Variants in PCSK5 observed in about 807,000 individuals in gnomAD.
PCSK5 encodes prohormone convertase 5.
Under a neutral mutation model 233.2 loss-of-function variants are expected in PCSK5, and 129 were observed. The observed-to-expected ratio is 0.55, with a 90% confidence interval of 0.48 to 0.64. PCSK5 has a LOEUF of 0.64. PCSK5 is among the 30% of genes least tolerant of loss of function. PCSK5 has a pLI of 0.00. For synonymous variants in PCSK5, 825 were observed against 879.2 expected (o/e 0.94, Z 1.09); for missense variants, 2,076 against 2,430.1 (o/e 0.85, Z 3.06).
chr9:75,987,740 G>A (rs1419130023), intron 3 of PCSK5, among the ~76,000 whole-genome samples: 2 of 152,190 alleles, frequency 1.3e-5, no homozygotes. Context: ...TGAACCCCAA[G>A]GGAAGGCATT....
intron 2 of PCSK5, among the ~76,000 whole-genome samples, chr9:75,982,403 C>T (rs1400678941): frequency 8.5e-5 from 13 of 152,190 alleles, no homozygotes; most frequent in Admixed American, 7.9e-4. Flanking sequence ...GAGTTGTACA[C>T]GTTTCCATTC....
At position 75,986,741 on chromosome 9, in the gene PCSK5, C is replaced by T. The variant is rs74850666; in HGVS notation, c.411+496C>T. ...TTAGGTAATACTTTGTAAAAGTAGA[C>T]CAGGAAAGGAAATCATGGAAAGTGT... On this transcript the variant is annotated intron_variant, in intron 3 of 37. Coordinates refer to ENST00000674117, the MANE Select transcript of PCSK5 (RefSeq NM_001372043.1). Among the ~76,000 whole-genome samples, 56 of 152,112 alleles carry T rather than the reference C, an allele frequency of 3.7e-4. No homozygotes were observed. The East Asian group carries it at 9.7e-3, about 26-fold the overall frequency.
At chr9:76,143,421 A>C (rs1328613126) in intron 10 of PCSK5, among the ~76,000 whole-genome samples, 5 of 152,210 alleles carry the variant, frequency 3.3e-5, no homozygotes, top group African/African-American at 1.2e-4. Context: ...GCTAGATGAT[A>C]GTAATGACTT....
chr9:76,151,751 C>T (rs539463969), intron 10 of PCSK5, among the ~76,000 whole-genome samples: 1 of 152,306 alleles, frequency 6.6e-6, no homozygotes, highest in Non-Finnish European at 1.5e-5. Flanking sequence ...TTGTATTTGA[C>T]TGATTTCTTA....
intron 1 of PCSK5, among the ~76,000 whole-genome samples, chr9:75,928,608 T>TATATATAC: frequency 9.7e-6 from 1 of 103,176 alleles, no homozygotes; most frequent in South Asian, 2.8e-4. Flanking sequence ...TATATATATA[T>TATATATAC]ATATATATAT....
intron 9 of PCSK5, among the ~76,000 whole-genome samples, chr9:76,118,157 T>C (rs1415074248): frequency 1.3e-5 from 2 of 152,092 alleles, no homozygotes; most frequent in African/African-American, 4.8e-5. Flanking sequence ...AAAGCAATTG[T>C]TATCAGTTTG....
intron 5 of PCSK5, among the ~76,000 whole-genome samples, chr9:76,034,232 T>C (rs1828762399): frequency 6.6e-6 from 1 of 152,044 alleles, no homozygotes; most frequent in Admixed American, 6.6e-5. Flanking sequence ...TCCTCCTCTG[T>C]AGTAGCTCTC....
intron 2 of PCSK5, among the ~76,000 whole-genome samples, chr9:75,958,303 G>T (rs957532910): frequency 6.6e-6 from 1 of 152,162 alleles, no homozygotes; most frequent in Non-Finnish European, 1.5e-5. Context: ...ATCCAGGCTC[G>T]ATAGTGTTCA....
intron 34 of PCSK5, among the ~76,000 whole-genome samples, chr9:76,336,026 T>C (rs1461662302): frequency 6.6e-6 from 1 of 152,116 alleles, no homozygotes; most frequent in Non-Finnish European, 1.5e-5. Flanking sequence ...TAGATTTCAC[T>C]TTTCCCTGAT....
At chr9:76,021,197 GTT>G (rs1307225741) in intron 3 of PCSK5, among the ~76,000 whole-genome samples, 1 of 152,142 alleles carries the variant, frequency 6.6e-6, no homozygotes, top group East Asian at 1.9e-4. Flanking sequence ...GGCAGACTTA[GTT>G]TATTGCTTGG....
At chr9:76,000,393 C>T (rs1432733108) in intron 3 of PCSK5, among the ~76,000 whole-genome samples, 2 of 152,110 alleles carry the variant, frequency 1.3e-5, no homozygotes, top group African/African-American at 4.8e-5. Flanking sequence ...TCTGTAGGTA[C>T]AAAATGTCTG....
At chr9:76,018,007 CA>C (rs10694867) in intron 3 of PCSK5, among the ~76,000 whole-genome samples, 17 of 120,966 alleles carry the variant, frequency 1.4e-4, no homozygotes, top group Admixed American at 1.7e-4. Context: ...AGGTCTCCTC[CA>C]AAAAAAAAAA....
intron 6 of PCSK5, among the ~76,000 whole-genome samples, chr9:76,070,797 C>T (rs573998963): frequency 6.6e-6 from 1 of 152,196 alleles, no homozygotes; most frequent in East Asian, 1.9e-4. Flanking sequence ...ATTATTTAAT[C>T]CCCGTTTGTT....
chr9:76,299,778 G>C (rs1828549627), intron 27 of PCSK5, among the ~76,000 whole-genome samples: 1 of 152,190 alleles, frequency 6.6e-6, no homozygotes, highest in African/African-American at 2.4e-5. Flanking sequence ...AAAGGTTCAG[G>C]TATGGCAGAC....
intron 20 of PCSK5, among the ~76,000 whole-genome samples, chr9:76,220,009 CTG>C (rs1252327759): frequency 1.3e-4 from 20 of 152,074 alleles, no homozygotes; most frequent in Admixed American, 8.5e-4. Flanking sequence ...AAAATCATAA[CTG>C]ATGAATAGAG....
chr9:76,083,700 A>G (rs1444784186), intron 7 of PCSK5, among the ~76,000 whole-genome samples: 1 of 152,232 alleles, frequency 6.6e-6, no homozygotes, highest in Non-Finnish European at 1.5e-5. Flanking sequence ...AGATTTAAAA[A>G]CTGATGGATT....
At position 76,179,558 on chromosome 9, in the gene PCSK5, T is replaced by C. The variant is rs754926053; in HGVS notation, c.1901-38T>C. ...AAGGTAAAGCTGACCTGCTCTAAAATCATTTTTCCAAGTATTGTTCTAATG... is the reference window on the plus strand; with the variant it reads ...AAGGTAAAGCTGACCTGCTCTAAAACCATTTTTCCAAGTATTGTTCTAATG... On this transcript the variant is annotated intron_variant, in intron 14 of 37. Transcript: ENST00000674117. 3.4e-6 allele frequency: 5 copies of C among 1,476,906 alleles called. No homozygotes were observed. In the South Asian group the frequency reaches 3.4e-5, roughly 10 times the overall value. 91.5% of individuals were successfully genotyped at this position (1,476,906 alleles called of 1,614,324 possible).
intron 37 of PCSK5, 35 bp downstream of exon 37, chr9:76,354,254 G>T: frequency 6.6e-7 from 1 of 1,507,958 alleles, no homozygotes; most frequent in Admixed American, 2.1e-5. Context: ...GCAGAGGAAG[G>T]GCATGTCCTC....
intron 5 of PCSK5, among the ~76,000 whole-genome samples, chr9:76,067,689 G>A (rs1830333382): frequency 1.3e-5 from 2 of 152,196 alleles, no homozygotes; most frequent in South Asian, 4.1e-4. Flanking sequence ...ATATAGAAAC[G>A]AAGGTTTTCT....
Sources: allele counts gnomAD v4.1 joint callset (sites outside exome capture counted in the v4.1 genomes callset), GRCh38; gene constraint gnomAD v4.1.1; transcripts MANE v1.5; gene names NCBI Gene and HGNC (gene_info 2026-07-23, HGNC 2026-07-21).